THSD7B: variants seen among roughly 807,000 people sequenced by gnomAD.
THSD7B encodes the protein thrombospondin type-1 domain-containing protein 7B.
In THSD7B, 138 loss-of-function variants were observed where a neutral mutation model predicts 213.6. The ratio of observed to expected loss-of-function variants is 0.65; its 90% CI spans 0.56 to 0.74. The LOEUF (loss-of-function observed/expected upper bound fraction) is 0.74, where lower values mean the gene tolerates loss of function less well. Among genes scored for constraint, THSD7B ranks in the 30% least tolerant of loss-of-function variants. The pLI, the probability that THSD7B is intolerant of heterozygous loss-of-function variation, is 0.00. For synonymous variants in THSD7B, 742 were observed against 687.0 expected (o/e 1.08, Z -1.25); for missense variants, 1,931 against 1,991.5 (o/e 0.97, Z 0.58).
intron 15 of THSD7B, among the ~76,000 whole-genome samples, chr2:137,516,040 G>A (rs1279442725): frequency 6.6e-6 from 1 of 152,192 alleles, no homozygotes; most frequent in Non-Finnish European, 1.5e-5. Flanking sequence ...AAATGCAATG[G>A]GAATAATTGG....
intron 12 of THSD7B, among the ~76,000 whole-genome samples, chr2:137,371,045 T>A (rs2104949455): frequency 6.6e-6 from 1 of 152,280 alleles, no homozygotes; most frequent in East Asian, 1.9e-4. Flanking sequence ...TTTTACTAAT[T>A]GAGTAAATGT....
At chr2:137,584,379 A>G (rs1681662252) in intron 17 of THSD7B, among the ~76,000 whole-genome samples, 2 of 152,188 alleles carry the variant, frequency 1.3e-5, no homozygotes, top group Non-Finnish European at 2.9e-5. Context: ...CACTATGAAT[A>G]CGAGTGGTGT....
intron 3 of THSD7B, among the ~76,000 whole-genome samples, chr2:137,073,899 G>C (rs1687556845): frequency 6.6e-6 from 1 of 152,202 alleles, no homozygotes; most frequent in Non-Finnish European, 1.5e-5. Context: ...GCGGTTTTGA[G>C]TGAATTTCTT....
chr2:137,616,340 G>T, intron 18 of THSD7B, 24 bp downstream of exon 18: 1 of 1,604,196 alleles, frequency 6.2e-7, no homozygotes, highest in Non-Finnish European at 8.5e-7. Context: ...CTATGACCTT[G>T]TCGTTCTCCC....
intron 7 of THSD7B, among the ~76,000 whole-genome samples, chr2:137,230,166 A>G (rs567760086): frequency 2.6e-5 from 4 of 152,338 alleles, no homozygotes; most frequent in African/African-American, 9.6e-5. Context: ...ACAACCTGAG[A>G]GTTTTAATTA....
chr2:136,971,408 T>C (rs1324358285), intron 2 of THSD7B, among the ~76,000 whole-genome samples: 1 of 152,112 alleles, frequency 6.6e-6, no homozygotes, highest in Non-Finnish European at 1.5e-5. Flanking sequence ...ACTCATGATA[T>C]GTTGTACCAT....
At chr2:137,160,069 A>G (rs1679985604) in intron 5 of THSD7B, 144 bp from the exon 6 acceptor site, 4 of 958,038 alleles carry the variant, frequency 4.2e-6, no homozygotes, top group Non-Finnish European at 5.9e-6. Context: ...AACAACACAT[A>G]TTAGAAAGTG....
chr2:137,650,718 C>G (rs1452400120), intron 21 of THSD7B, among the ~76,000 whole-genome samples: 1 of 152,158 alleles, frequency 6.6e-6, no homozygotes, highest in Non-Finnish European at 1.5e-5. Flanking sequence ...AGCTGTGAGT[C>G]TGTCATATGA....
At chr2:137,219,158 T>G (rs552087198) in intron 7 of THSD7B, among the ~76,000 whole-genome samples, 36 of 152,198 alleles carry the variant, frequency 2.4e-4, no homozygotes, top group African/African-American at 8.2e-4. Context: ...ACAAAACTAG[T>G]CATTAGACCC....
chr2:137,097,776 A>ACG (rs1279509923), intron 4 of THSD7B, among the ~76,000 whole-genome samples: 2 of 111,298 alleles, frequency 1.8e-5, no homozygotes, highest in Non-Finnish European at 3.4e-5. Flanking sequence ...TTTGACACAC[A>ACG]CACACACACA....
chr2:137,309,747 T>A (rs926732662), intron 12 of THSD7B, among the ~76,000 whole-genome samples: 8 of 152,010 alleles, frequency 5.3e-5, no homozygotes, highest in Non-Finnish European at 7.4e-5. Flanking sequence ...TGAGTGAGAA[T>A]GTGCGGTGTT....
chr2:137,250,367 C>A (rs1310530313), intron 10 of THSD7B, among the ~76,000 whole-genome samples: 1 of 152,072 alleles, frequency 6.6e-6, no homozygotes, highest in African/African-American at 2.4e-5. Flanking sequence ...ATCACCTCAC[C>A]TGCCTAGAGT....
intron 12 of THSD7B, among the ~76,000 whole-genome samples, chr2:137,365,164 G>A (rs1685377172): frequency 6.6e-6 from 1 of 152,176 alleles, no homozygotes; most frequent in South Asian, 2.1e-4. Context: ...TCAATAAACG[G>A]TGCTGGGAAA....
intron 2 of THSD7B, among the ~76,000 whole-genome samples, chr2:137,040,233 G>A (rs987859759): frequency 4.6e-5 from 7 of 152,182 alleles, no homozygotes; most frequent in South Asian, 2.1e-4. Flanking sequence ...AATGTGTTCC[G>A]GTAGAAAGGT....
chr2:136,911,513 A>G (rs2105023775), intron 2 of THSD7B, among the ~76,000 whole-genome samples: 1 of 152,362 alleles, frequency 6.6e-6, no homozygotes, highest in East Asian at 1.9e-4. Context: ...TGAAAAATCA[A>G]TAGCAGTTTC....
intron 12 of THSD7B, among the ~76,000 whole-genome samples, chr2:137,298,178 T>C (rs753965074): frequency 4.6e-5 from 7 of 152,100 alleles, no homozygotes; most frequent in Non-Finnish European, 7.3e-5. Flanking sequence ...AGAACTTGTT[T>C]GGGAATGGGA....
At chr2:136,837,341 A>G (rs535745886) in intron 1 of THSD7B, among the ~76,000 whole-genome samples, 1 of 152,260 alleles carries the variant, frequency 6.6e-6, no homozygotes, top group African/African-American at 2.4e-5. Flanking sequence ...TGCTCTAGCC[A>G]TAGCCTCCCT....
At chr2:136,786,055 A>G (rs370642122) in intron 1 of THSD7B, among the ~76,000 whole-genome samples, 1 of 152,312 alleles carries the variant, frequency 6.6e-6, no homozygotes, top group East Asian at 1.9e-4. Flanking sequence ...AATTCAAAGT[A>G]TTGTCCATAT....
At chr2:137,015,995 A>T (rs947315231) in intron 2 of THSD7B, among the ~76,000 whole-genome samples, 3 of 152,182 alleles carry the variant, frequency 2.0e-5, no homozygotes, top group African/African-American at 7.2e-5. Context: ...GTAAAACAGA[A>T]TAATTCAATT....
Sources: gnomAD v4.1 joint callset for allele counts (sites outside exome capture counted in the v4.1 genomes callset) on GRCh38, gnomAD v4.1.1 for gene constraint, MANE v1.5 for transcripts, NCBI Gene and HGNC (gene_info 2026-07-23, HGNC 2026-07-21) for gene names.